LSAMP: variants seen among roughly 807,000 people sequenced by gnomAD.
LSAMP encodes limbic system-associated membrane protein.
Under a neutral mutation model 38.6 loss-of-function variants are expected in LSAMP, and 7 were observed. The ratio of observed to expected loss-of-function variants is 0.18; its 90% confidence interval spans 0.10 to 0.34. LSAMP has a LOEUF of 0.34. Among genes scored for constraint, LSAMP ranks in the 10% least tolerant of loss-of-function variants. The pLI is 1.00. For missense variants in LSAMP, 313 were observed against 420.0 expected (o/e 0.75, Z 2.23); for synonymous variants, 154 against 166.8 (o/e 0.92, Z 0.59).
chr3:115,963,590 T>C (rs994346630), intron 3 of LSAMP, among the ~76,000 whole-genome samples: 7 of 152,178 alleles, frequency 4.6e-5, no homozygotes, highest in Admixed American at 6.5e-5. Flanking sequence ...CAGTATGTGA[T>C]TGAATTTGGC....
intron 6 of LSAMP, 69 bp downstream of exon 6, chr3:115,841,776 G>T (rs138884842): frequency 1.3e-6 from 2 of 1,517,564 alleles, no homozygotes; most frequent in Non-Finnish European, 1.8e-6. Flanking sequence ...TAAGGGAATG[G>T]TTTTCACGTT....
rs932093290 is a variant in LSAMP at position 116,377,695 on chromosome 3, C to T, written c.155+67182G>A. The stretch of plus-strand genomic sequence containing the variant: ...CATACAATTTCTTCTAAGTCATGGC[C>T]GATTCACTGATTTTGTTTTCATGCT... On this transcript the variant is annotated intron_variant, in intron 1 of 6. Transcript: ENST00000490035. Among the ~76,000 whole-genome samples, 6 of 151,902 alleles carry T rather than the reference C, an allele frequency of 3.9e-5. No homozygotes were observed. The South Asian group carries it at 8.3e-4, about 21-fold the overall frequency.
chr3:115,943,975 T>C (rs894700955), intron 3 of LSAMP, among the ~76,000 whole-genome samples: 36 of 152,102 alleles, frequency 2.4e-4, no homozygotes, highest in Non-Finnish European at 1.0e-4. Context: ...TGGCTCAAAA[T>C]CCAGGGATTC....
intron 1 of LSAMP, among the ~76,000 whole-genome samples, chr3:116,424,998 A>G (rs996295827): frequency 1.3e-5 from 2 of 151,734 alleles, no homozygotes; most frequent in South Asian, 2.1e-4. Context: ...GAAGTTGAAG[A>G]AGGAAAAAAA....
chr3:116,088,406 C>T (rs1312826093), intron 1 of LSAMP, among the ~76,000 whole-genome samples: 3 of 152,106 alleles, frequency 2.0e-5, no homozygotes, highest in Non-Finnish European at 1.5e-5. Flanking sequence ...TGAATGCTTG[C>T]TGCCTCATTC....
At chr3:116,274,391 T>A (rs1000084064) in intron 1 of LSAMP, among the ~76,000 whole-genome samples, 3 of 152,232 alleles carry the variant, frequency 2.0e-5, no homozygotes, top group African/African-American at 7.2e-5. Context: ...AAACTGTTCA[T>A]TTTCTATGTT....
Position 115,841,989 on chromosome 3 carries a change from T to C in LSAMP, c.775A>G (p.Asn259Asp). ...TTAATCTCAAGGCCATTGGCACTAT[T>C]TATCCTAAGAGTTCAAAAACAGAAG... ...FEWYRDDTRI[N>D]SANGLEIKST... is the part of the protein sequence containing the mutation. The change falls in exon 6 of 7, where the codon AAT (asparagine) becomes GAT (aspartate). Residue 259 changes from asparagine to aspartate, a missense_variant. Transcript: ENST00000490035. 3 of 1,610,084 alleles carry C rather than the reference T, an allele frequency of 1.9e-6. No homozygotes were observed. Among genetic ancestry groups the C allele is most frequent in the Non-Finnish European group, 1.7e-6 (2 of 1,179,146 alleles).
chr3:115,842,652 G>C, intron 4 of LSAMP, 74 bp from the exon 5 acceptor site: 2 of 1,576,504 alleles, frequency 1.3e-6, no homozygotes, highest in South Asian at 1.1e-5. Flanking sequence ...AAGGAATGAA[G>C]AAGGACAATC....
chr3:115,927,160 G>C (rs1373723410), intron 3 of LSAMP, among the ~76,000 whole-genome samples: 1 of 152,054 alleles, frequency 6.6e-6, no homozygotes, highest in African/African-American at 2.4e-5. Flanking sequence ...ACGGTGCTTT[G>C]GGAGAAATCA....
At chr3:116,105,676 C>T (rs893911705) in intron 1 of LSAMP, among the ~76,000 whole-genome samples, 25 of 151,978 alleles carry the variant, frequency 1.6e-4, no homozygotes, top group African/African-American at 1.4e-4. Context: ...TCAGTTAAGG[C>T]GGGGCAGGGC....
At chr3:115,927,134 G>A (rs1401055919) in intron 3 of LSAMP, among the ~76,000 whole-genome samples, 6 of 152,040 alleles carry the variant, frequency 3.9e-5, no homozygotes, top group East Asian at 3.9e-4. Flanking sequence ...TCAACCCCAC[G>A]CTTGCTGACC....
chr3:115,977,837 G>T (rs1432025919), intron 3 of LSAMP, among the ~76,000 whole-genome samples: 1 of 151,792 alleles, frequency 6.6e-6, no homozygotes, highest in Non-Finnish European at 1.5e-5. Context: ...TTGAAGGAAG[G>T]AAAGAAGGCC....
At chr3:116,106,735 G>C (rs767763189) in intron 1 of LSAMP, among the ~76,000 whole-genome samples, 2 of 152,110 alleles carry the variant, frequency 1.3e-5, no homozygotes, top group Non-Finnish European at 2.9e-5. Context: ...TTCTCAGACC[G>C]TGTAGGAAAG....
chr3:116,086,468 G>T lies in LSAMP; in HGVS notation c.244C>A (p.Pro82Thr). 1 of 1,614,070 alleles carries T rather than the reference G, an allele frequency of 6.2e-7. No individual in the cohort carries two copies. Among genetic ancestry groups the T allele is most frequent in the Non-Finnish European group, 8.5e-7 (1 of 1,179,996 alleles). The change falls in exon 2 of 7, where the codon CCA (proline) becomes ACA (threonine). Residue 82 changes from proline to threonine, a missense_variant. Physicochemically the swap from Pro to Thr is conservative, Grantham distance 38. Coordinates refer to ENST00000490035, the MANE Select transcript of LSAMP (RefSeq NM_002338.5). ...FAGHDKWSLD[P>T]RVELEKRHSL... ...TGGCGTTTCTCCAGCTCAACCCGTG[G>T]GTCCAGAGACCACTTGTCATGTCCA...
chr3:116,373,202 GT>G (rs1193603531), intron 1 of LSAMP, among the ~76,000 whole-genome samples: 2 of 151,080 alleles, frequency 1.3e-5, no homozygotes, highest in East Asian at 1.9e-4. Context: ...AGCAAAACGT[GT>G]TTTTTATATA....
intron 3 of LSAMP, among the ~76,000 whole-genome samples, chr3:115,979,249 A>T (rs1448177113): frequency 6.7e-6 from 1 of 149,746 alleles, no homozygotes; most frequent in Non-Finnish European, 1.5e-5. Context: ...TTCTCCATCA[A>T]CCCTAGAACA....
chr3:116,330,547 C>CA (rs2047836399), intron 1 of LSAMP, among the ~76,000 whole-genome samples: 1 of 150,794 alleles, frequency 6.6e-6, no homozygotes, highest in African/African-American at 2.4e-5. Flanking sequence ...GACCAGCATG[C>CA]TCCCCCCCCC....
chr3:116,286,736 G>A (rs545390790), intron 1 of LSAMP, among the ~76,000 whole-genome samples: 2 of 152,092 alleles, frequency 1.3e-5, no homozygotes, highest in Non-Finnish European at 2.9e-5. Flanking sequence ...CAAATCATCT[G>A]TACCATGCAA....
chr3:116,315,722 C>G (rs933486528), intron 1 of LSAMP, among the ~76,000 whole-genome samples: 1 of 152,160 alleles, frequency 6.6e-6, no homozygotes, highest in African/African-American at 2.4e-5. Flanking sequence ...AGCTATCTAC[C>G]TATCTCCTCA....
Sources: gnomAD v4.1 joint callset for allele counts (sites outside exome capture counted in the v4.1 genomes callset) on GRCh38, gnomAD v4.1.1 for gene constraint, MANE v1.5 for transcripts, NCBI Gene and HGNC (gene_info 2026-07-23, HGNC 2026-07-21) for gene names.